The following VWDE variants were observed in gnomAD, a reference collection of about 807,000 sequenced individuals.
VWDE encodes the protein von Willebrand factor D and EGF domains.
A neutral mutation model predicts 178.4 loss-of-function variants in VWDE; 207 were observed. That is an observed-to-expected ratio of 1.16 (90% CI 1.04 to 1.30). VWDE has a LOEUF of 1.30. Ranked by LOEUF, VWDE falls within the 50% of genes most tolerant of loss-of-function variation. The pLI is 0.00. For missense variants in VWDE, 2,287 were observed against 1,901.3 expected, an observed-to-expected ratio of 1.20 and a Z score of -3.77; for synonymous variants, 738 against 651.4, an observed-to-expected ratio of 1.13 and a Z score of -2.02.
At position 12,403,838 on chromosome 7, in the gene VWDE, G is replaced by A. The variant is rs1785035629; in HGVS notation, c.-122C>T. ...GATTTTCTCAGTCTGTTGCTGCTTG[G>A]AACAGGGAAGCTCCGCGTCCTCGTT... On this transcript the variant is annotated 5_prime_UTR_variant, in exon 1 of 29. Transcript: ENST00000275358. The A allele has an allele frequency of 1.9e-6, 2 of 1,054,812 alleles. No individual in the cohort carries two copies. Among genetic ancestry groups the A allele is most frequent in the Admixed American group, 2.3e-5 (1 of 43,468 alleles). The allele number at this position is 1,054,812 out of a possible 1,614,324, so 65.3% of individuals were successfully genotyped here. A position where few individuals can be genotyped will look rare whatever the true frequency, so the allele number is the denominator to read the frequency against.
At chr7:12,354,373 T>C (rs187153021) in intron 18 of VWDE, 8 of 434,722 alleles carry the variant, frequency 1.8e-5, no homozygotes, top group African/African-American at 1.0e-4. Context: ...TCCATCCCCA[T>C]AAAATCCTTC....
In VWDE at chr7:12,337,252, T is replaced by C. The variant is rs1461256537; in HGVS notation, c.4387A>G (p.Lys1463Glu). 4 of 1,551,792 alleles carry C rather than the reference T, an allele frequency of 2.6e-6. No individual in the cohort carries two copies. In the East Asian group the frequency reaches 7.3e-5, roughly 28 times the overall value. ...TTTCTCATGCAGTGGCCACCATTCT[T>C]ACAGGGAGGGTGACAGAAAGCTAAA... ...CQNAFCHPPC[K>E]NGGHCMRNNV... Residue 1463 changes from lysine to glutamate, a missense_variant, in exon 25 of 29, where the codon AAG becomes GAG. By Grantham distance (56) the Lys-to-Glu change is moderately conservative. Coordinates refer to ENST00000275358, the MANE Select transcript of VWDE (RefSeq NM_001135924.3).
chr7:12,364,186 A>G (rs930381772), intron 13 of VWDE, among the ~76,000 whole-genome samples: 4 of 152,082 alleles, frequency 2.6e-5, no homozygotes, highest in Non-Finnish European at 5.9e-5. Context: ...GAGATGACAG[A>G]TAGATAAACC....
chr7:12,385,130 C>G (rs1403326396), intron 3 of VWDE, among the ~76,000 whole-genome samples: 1 of 151,690 alleles, frequency 6.6e-6, no homozygotes, highest in East Asian at 1.9e-4. Context: ...TTCTTGACTT[C>G]TAGAAGGCTC....
chr7:12,354,981 C>T (rs1481538145), intron 18 of VWDE, among the ~76,000 whole-genome samples: 2 of 152,158 alleles, frequency 1.3e-5, no homozygotes, highest in African/African-American at 4.8e-5. Flanking sequence ...CTTAACAACT[C>T]ATCTGAACGA....
chr7:12,398,204 T>G (rs1784716126), intron 1 of VWDE, among the ~76,000 whole-genome samples: 1 of 152,166 alleles, frequency 6.6e-6, no homozygotes, highest in South Asian at 2.1e-4. Flanking sequence ...GTAGTATACC[T>G]GAAACTGGTC....
At chr7:12,334,069 T>C (rs73290480) in intron 27 of VWDE, among the ~76,000 whole-genome samples, 2,364 of 152,212 alleles carry the variant, frequency 0.016, 54 homozygotes, top group African/African-American at 0.054. Flanking sequence ...ATCATACATT[T>C]CTTACTTGAA....
chr7:12,379,430 T>C (rs1313846274), intron 6 of VWDE, 47 bp downstream of exon 6: 16 of 1,384,400 alleles, frequency 1.2e-5, no homozygotes, highest in South Asian at 9.0e-5. Flanking sequence ...TTGGGAAACA[T>C]AGTTCCAGAG....
chr7:12,402,428 C>T (rs918814116), intron 1 of VWDE, among the ~76,000 whole-genome samples: 4 of 152,094 alleles, frequency 2.6e-5, no homozygotes, highest in Non-Finnish European at 4.4e-5. Flanking sequence ...ACATAAAGAA[C>T]TTGACAATGT....
At chr7:12,344,510 A>G in intron 19 of VWDE, 41 bp from the exon 20 acceptor site, 1 of 1,458,012 alleles carries the variant, frequency 6.9e-7, no homozygotes, top group Non-Finnish European at 9.3e-7. Context: ...TTGCTAAAAC[A>G]GAACATACAT....
chr7:12,346,496 T>A (rs1378210095), intron 19 of VWDE, among the ~76,000 whole-genome samples: 1 of 152,050 alleles, frequency 6.6e-6, no homozygotes, highest in African/African-American at 2.4e-5. Flanking sequence ...TGCTATTTTA[T>A]ATGAGAGGCA....
intron 1 of VWDE, among the ~76,000 whole-genome samples, chr7:12,394,966 C>T (rs1245956299): frequency 6.6e-6 from 1 of 151,972 alleles, no homozygotes; most frequent in Non-Finnish European, 1.5e-5. Flanking sequence ...ACAAGTGTAG[C>T]CTACGAAAAA....
intron 28 of VWDE, 145 bp downstream of exon 28, chr7:12,333,320 A>T (rs895947675): frequency 4.2e-5 from 25 of 594,390 alleles, no homozygotes; most frequent in Middle Eastern, 4.6e-4. Flanking sequence ...CACAAAAATG[A>T]TACAATTTTT....
At position 12,377,831 on chromosome 7, in the gene VWDE, A is replaced by G; in HGVS notation, c.969T>C (p.Phe323=). ...ESTVPIICSE[F]SELDQECKIS... is the part of the protein sequence containing the mutation. ...TTTTGCATTCTTGATCAAGCTCACT[A>G]AATTCAGAACAAATAATAGGAACTG... Residue 323 remains phenylalanine (F), a synonymous_variant, in exon 7 of 29, where the codon TTT becomes TTC. Transcript: ENST00000275358. 6.5e-7 allele frequency: 1 copy of G among 1,532,354 alleles called. No individual in the cohort carries two copies. The highest frequency in any genetic ancestry group is 8.8e-7 in the Non-Finnish European group (1 of 1,137,122). 94.9% of individuals were successfully genotyped at this position (1,532,354 alleles called of 1,614,324 possible). A position where few individuals can be genotyped will look rare whatever the true frequency, so the allele number is the denominator to read the frequency against.
At chr7:12,334,591 G>A (rs73290485) in intron 27 of VWDE, among the ~76,000 whole-genome samples, 2,844 of 152,240 alleles carry the variant, frequency 0.019, 83 homozygotes, top group African/African-American at 0.065. Flanking sequence ...ACAGATGGTA[G>A]TAACATATTT....
chr7:12,342,253 A>T, intron 22 of VWDE, 99 bp from the exon 23 acceptor site: 1 of 763,696 alleles, frequency 1.3e-6, no homozygotes, highest in Non-Finnish European at 2.1e-6. Flanking sequence ...CACATCTGCT[A>T]ATTAATAAGA....
chr7:12,352,352 TG>T (rs1471857864), intron 18 of VWDE, among the ~76,000 whole-genome samples: 1 of 152,194 alleles, frequency 6.6e-6, no homozygotes, highest in Non-Finnish European at 1.5e-5. Flanking sequence ...GCTTTATTCA[TG>T]TTGCTATCCA....
intron 27 of VWDE, 85 bp from the exon 28 acceptor site, chr7:12,333,653 G>A: frequency 1.2e-6 from 1 of 864,534 alleles, no homozygotes; most frequent in Non-Finnish European, 1.9e-6. Context: ...GGGGCTATCT[G>A]GTGATTGGAC....
chr7:12,387,625 G>GT, intron 3 of VWDE, among the ~76,000 whole-genome samples: 1 of 151,978 alleles, frequency 6.6e-6, no homozygotes, highest in Middle Eastern at 3.4e-3. Flanking sequence ...CTAAAACTAT[G>GT]TTTCCTTTTA....
Sources: allele counts gnomAD v4.1 joint callset (sites outside exome capture counted in the v4.1 genomes callset), GRCh38; gene constraint gnomAD v4.1.1; transcripts MANE v1.5; gene names NCBI Gene and HGNC (gene_info 2026-07-23, HGNC 2026-07-21).